The following RNASET2 variants were observed in gnomAD, a reference collection of about 807,000 sequenced individuals.
The protein encoded by RNASET2 is ribonuclease 6.
In RNASET2, 28 loss-of-function variants were observed where a neutral mutation model predicts 33.9. That is an observed-to-expected ratio of 0.83 (90% CI 0.61 to 1.13). The LOEUF (loss-of-function observed/expected upper bound fraction) is 1.13, where lower values mean the gene tolerates loss of function less well. RNASET2 is among the 50% of genes most tolerant of loss of function. The pLI is 0.00. For missense variants in RNASET2, 330 were observed against 319.9 expected (o/e 1.03, Z -0.24); for synonymous variants, 123 against 121.0 (o/e 1.02, Z -0.11).
chr6:166,949,454 T>A (rs1778929892), intron 2 of RNASET2, among the ~76,000 whole-genome samples: 1 of 123,986 alleles, frequency 8.1e-6, no homozygotes. Context: ...TGAGCCGAGA[T>A]CGCGCCACTG....
At position 166,938,995 on chromosome 6, in the gene RNASET2, C is replaced by T. The variant is rs754432508; in HGVS notation, c.346G>A (p.Glu116Lys). 4.2e-5 allele frequency: 67 copies of T among 1,612,450 alleles called. No homozygotes were observed. The highest frequency in any genetic ancestry group is 5.3e-5 in the Non-Finnish European group (63 of 1,179,350). Residue 116 changes from glutamate (E) to lysine (K), a missense_variant, in exon 6 of 9, where the codon GAA becomes AAA. Coordinates refer to ENST00000508775, the MANE Select transcript of RNASET2 (RefSeq NM_003730.6). ...TGGGCGGCGCAGGTCCCATGCTTTT[C>T]CCACTCATGCTTCCTGTGAGGATTA... ...NRSRFWKHEW[E>K]KHGTCAAQVD...
At chr6:166,955,103 T>C (rs1321425613) in intron 1 of RNASET2, among the ~76,000 whole-genome samples, 1 of 152,208 alleles carries the variant, frequency 6.6e-6, no homozygotes, top group Non-Finnish European at 1.5e-5. Flanking sequence ...CAAATATTGG[T>C]ATCTTCCACA....
At chr6:166,931,303 G>A in intron 7 of RNASET2, 185 bp from the exon 8 acceptor site, 1 of 625,900 alleles carries the variant, frequency 1.6e-6, no homozygotes, top group Middle Eastern at 4.2e-4. Flanking sequence ...CTGTCAACCT[G>A]GGCTTCATCC....
chr6:166,929,822 A>G (rs1373387523), intron 8 of RNASET2, 31 bp from the exon 9 acceptor site: 2 of 1,589,712 alleles, frequency 1.3e-6, no homozygotes, highest in Non-Finnish European at 1.7e-6. Context: ...ACGCTTTAGA[A>G]TTCAGATCTT....
chr6:166,952,907 G>A (rs1267496879), intron 1 of RNASET2: 5 of 292,326 alleles, frequency 1.7e-5, no homozygotes, highest in East Asian at 8.0e-5. Context: ...CAAGAGAAAT[G>A]CAGACCCACG....
intron 8 of RNASET2, among the ~76,000 whole-genome samples, chr6:166,930,784 T>C (rs531650711): frequency 1.1e-4 from 14 of 123,612 alleles, no homozygotes; most frequent in South Asian, 7.8e-4. Flanking sequence ...CATGCACACA[T>C]AGCACATGCC....
rs1395969847 is a variant in RNASET2, at chr6:166,956,254, G to A, written c.-72C>T. 7.3e-7 allele frequency: 1 copy of A among 1,373,782 alleles called. No homozygotes were observed. The highest frequency in any genetic ancestry group is 1.4e-5 in the African/African-American group (1 of 69,692). The allele number at this position is 1,373,782 out of a possible 1,614,324, so 85.1% of individuals were successfully genotyped here. A position where few individuals can be genotyped will look rare whatever the true frequency, so the allele number is the denominator to read the frequency against. On this transcript the variant is annotated 5_prime_UTR_variant, in exon 1 of 9. Transcript: ENST00000508775. ...CACTTCCCACCTGCTGCCCGAGGAA[G>A]ACTTCCGGGAGAAACGCTGTCTCCG... is the stretch of plus-strand genomic sequence containing the variant.
chr6:166,924,807 C>A lies in RNASET2; in HGVS notation c.*4781G>T, dbSNP rs984610535. Among the ~76,000 whole-genome samples, 5 of 152,142 alleles carry A rather than the reference C, an allele frequency of 3.3e-5. No homozygotes were observed. Among genetic ancestry groups the A allele is most frequent in the Non-Finnish European group, 1.5e-5 (1 of 68,026 alleles). On this transcript the variant is annotated 3_prime_UTR_variant, in exon 9 of 9. Coordinates refer to ENST00000508775, the MANE Select transcript of RNASET2 (RefSeq NM_003730.6). ...ATCTCTACTAAAAATACAAAATTAG[C>A]CGGGCATGGTGGCATATGCCACCAC...
At chr6:166,942,666 T>A (rs1288035716) in intron 5 of RNASET2, among the ~76,000 whole-genome samples, 2 of 151,598 alleles carry the variant, frequency 1.3e-5, no homozygotes, top group African/African-American at 4.9e-5. Context: ...GGTCTCAAAC[T>A]CCTCAGCTCA....
chr6:166,946,793 G>A (rs776238411), intron 3 of RNASET2, 54 bp from the exon 4 acceptor site: 15 of 1,075,192 alleles, frequency 1.4e-5, no homozygotes, highest in Non-Finnish European at 2.0e-5. Flanking sequence ...TGGTTGGGGT[G>A]GCTTCTACAT....
At position 166,954,453 on chromosome 6, in the gene RNASET2, G is replaced by A. The variant is rs150548880; in HGVS notation, c.86+1644C>T. Among the ~76,000 whole-genome samples the A allele has an allele frequency of 2.8e-3, 421 of 151,996 alleles. 2 individuals are homozygous for A. Among genetic ancestry groups the A allele is most frequent in the African/African-American group, 9.9e-3 (407 of 41,314 alleles). ...CTCCTGAAGCCAACTCTGTGAGGCT[G>A]ACTGTTACTATTTCTACTTTACAGA... is the stretch of plus-strand genomic sequence containing the variant. On this transcript the variant is annotated intron_variant, in intron 1 of 8. Transcript: ENST00000508775.
chr6:166,939,922 C>T lies in RNASET2; in HGVS notation c.333-914G>A, dbSNP rs566799425. On this transcript the variant is annotated intron_variant, in intron 5 of 8. Transcript: ENST00000508775. ...ATTAAAGGTTTACAAAAATCTTTCA[C>T]GTTCTTCGTTTGGTTCTCAAAACTC... is the stretch of plus-strand genomic sequence containing the variant. Among the ~76,000 whole-genome samples the T allele has an allele frequency of 4.2e-4, 64 of 152,348 alleles. No individual in the cohort carries two copies. In the Middle Eastern group the frequency reaches 0.014, roughly 32 times the overall value.
intron 7 of RNASET2, 74 bp from the exon 8 acceptor site, chr6:166,931,192 C>G (rs543499488): frequency 2.8e-6 from 3 of 1,081,024 alleles, no homozygotes. Context: ...CTATCCTGAG[C>G]GCAACAGTGG....
intron 5 of RNASET2, among the ~76,000 whole-genome samples, chr6:166,942,005 T>C (rs1388021621): frequency 6.6e-6 from 1 of 151,518 alleles, no homozygotes; most frequent in Non-Finnish European, 1.5e-5. Flanking sequence ...TAAGTCTCAC[T>C]TTCTCTCCTC....
chr6:166,944,744 A>G (rs1471148122), intron 4 of RNASET2, among the ~76,000 whole-genome samples: 1 of 150,834 alleles, frequency 6.6e-6, no homozygotes, highest in South Asian at 2.1e-4. Context: ...ATGCAGTCCT[A>G]CGGTGCCTCT....
intron 4 of RNASET2, among the ~76,000 whole-genome samples, chr6:166,946,155 C>G (rs9459809): frequency 0.12 from 18,039 of 152,260 alleles, 1,254 homozygotes; most frequent in Non-Finnish European, 0.15. Flanking sequence ...AATAAATTCC[C>G]GCCCTGTGAG....
chr6:166,930,915 C>A (rs1778421207), intron 8 of RNASET2, 129 bp downstream of exon 8: 2 of 764,216 alleles, frequency 2.6e-6, no homozygotes, highest in Admixed American at 1.8e-5. Context: ...CACCACATGC[C>A]CACATATACA....
rs373504059 is a variant in RNASET2 at position 166,956,433 on chromosome 6, C to T, written c.-251G>A. ...GCGACCCGGGCCCCTCGGAGCTCCC[C>T]TTCAGGATCGTGCACCAAGCGCGCA... On this transcript the variant is annotated 5_prime_UTR_variant, in exon 1 of 9. Transcript: ENST00000508775. 6 of 551,224 alleles carry T rather than the reference C, an allele frequency of 1.1e-5. No homozygotes were observed. The highest frequency in any genetic ancestry group is 9.9e-5 in the African/African-American group (5 of 50,560). The allele number at this position is 551,224 out of a possible 1,614,324, so 34.1% of individuals were successfully genotyped here.
At chr6:166,949,044 A>G (rs528904301) in intron 2 of RNASET2, among the ~76,000 whole-genome samples, 6 of 151,620 alleles carry the variant, frequency 4.0e-5, no homozygotes, top group Non-Finnish European at 8.8e-5. Context: ...GTGAAACCCC[A>G]TCTCTACTAA....
Sources: gnomAD v4.1 joint callset for allele counts (sites outside exome capture counted in the v4.1 genomes callset) on GRCh38, gnomAD v4.1.1 for gene constraint, MANE v1.5 for transcripts, NCBI Gene and HGNC (gene_info 2026-07-23, HGNC 2026-07-21) for gene names.